Variants in QTMAN observed in about 807,000 individuals in gnomAD.
QTMAN encodes tRNA-queuosine alpha-mannosyltransferase.
chr2:144,172,114 G>C, the QTMAN span, among the ~76,000 whole-genome samples: 2 of 152,128 alleles, frequency 1.3e-5, no homozygotes, highest in African/African-American at 4.8e-5. Context: ...AATTGGAGTT[G>C]AGATCCGCCA....
chr2:144,150,472 G>A, the QTMAN span, among the ~76,000 whole-genome samples: 1 of 151,966 alleles, frequency 6.6e-6, no homozygotes, highest in Non-Finnish European at 1.5e-5. Context: ...TAGTACTCCT[G>A]AGGAACTAAC....
At chr2:144,028,649 G>A in the QTMAN span, among the ~76,000 whole-genome samples, 1 of 152,068 alleles carries the variant, frequency 6.6e-6, no homozygotes, top group Non-Finnish European at 1.5e-5. Context: ...GATTACTAAA[G>A]AATAGATCAA....
At chr2:144,329,882 C>T in the QTMAN span, among the ~76,000 whole-genome samples, 1 of 152,082 alleles carries the variant, frequency 6.6e-6, no homozygotes, top group Non-Finnish European at 1.5e-5. Context: ...TAAAGAGTAC[C>T]CACTACACAT....
At chr2:144,232,563 CA>C in the QTMAN span, among the ~76,000 whole-genome samples, 1 of 152,036 alleles carries the variant, frequency 6.6e-6, no homozygotes, top group East Asian at 1.9e-4. Context: ...TTCTTATTGC[CA>C]AAAATCATTG....
chr2:144,095,263 A>G, the QTMAN span, among the ~76,000 whole-genome samples: 1 of 152,190 alleles, frequency 6.6e-6, no homozygotes, highest in Non-Finnish European at 1.5e-5. Flanking sequence ...AGAAATTCTT[A>G]AAACAGAATT....
At chr2:144,065,434 C>T in the QTMAN span, among the ~76,000 whole-genome samples, 1 of 152,208 alleles carries the variant, frequency 6.6e-6, no homozygotes, top group Non-Finnish European at 1.5e-5. Context: ...TGGTTGGTTT[C>T]AGCCAACTGC....
At chr2:144,180,438 T>C in the QTMAN span, among the ~76,000 whole-genome samples, 1 of 152,172 alleles carries the variant, frequency 6.6e-6, no homozygotes, top group Non-Finnish European at 1.5e-5. Context: ...AAATGCTTTC[T>C]GAACTGTTAA....
chr2:143,941,237 C>T, the QTMAN span: 1 of 152,188 alleles, frequency 6.6e-6, no homozygotes, highest in South Asian at 2.1e-4. Flanking sequence ...AAGTGATTCT[C>T]AGGAGGGCCA....
chr2:144,220,508 T>C, the QTMAN span, among the ~76,000 whole-genome samples: 3 of 152,210 alleles, frequency 2.0e-5, no homozygotes, highest in South Asian at 6.2e-4. Context: ...ATTCCAATGA[T>C]ACAAATATTT....
the QTMAN span, chr2:144,145,500 GATTTAAAACGTAACC>G: frequency 8.9e-7 from 1 of 1,120,862 alleles, no homozygotes; most frequent in Non-Finnish European, 1.3e-6. Flanking sequence ...TAGGTCTCCA[GATTTAAAACGTAACC>G]ACCTACAAAG....
At chr2:144,215,771 T>G in the QTMAN span, among the ~76,000 whole-genome samples, 1 of 152,200 alleles carries the variant, frequency 6.6e-6, no homozygotes, top group African/African-American at 2.4e-5. Context: ...CACTGGAATA[T>G]CATCTCACCA....
chr2:144,324,681 G>T, the QTMAN span, among the ~76,000 whole-genome samples: 1 of 152,084 alleles, frequency 6.6e-6, no homozygotes, highest in African/African-American at 2.4e-5. Flanking sequence ...CCTACCCAAG[G>T]TAATCAAGAT....
the QTMAN span, among the ~76,000 whole-genome samples, chr2:144,217,459 A>G: frequency 6.6e-6 from 1 of 152,014 alleles, no homozygotes; most frequent in Non-Finnish European, 1.5e-5. Flanking sequence ...AACACGGTAT[A>G]TGTTTTATAT....
At chr2:144,010,551 C>T in the QTMAN span, among the ~76,000 whole-genome samples, 2 of 152,026 alleles carry the variant, frequency 1.3e-5, no homozygotes, top group African/African-American at 4.8e-5. Context: ...TGATTTGATT[C>T]AGCGAACTGA....
chr2:143,944,955 A>G, the QTMAN span: 1 of 149,168 alleles, frequency 6.7e-6, no homozygotes, highest in Admixed American at 6.7e-5. Flanking sequence ...GAAAAGATCT[A>G]TGGGTACTAG....
chr2:144,281,185 G>C, the QTMAN span, among the ~76,000 whole-genome samples: 1 of 150,964 alleles, frequency 6.6e-6, no homozygotes, highest in Non-Finnish European at 1.5e-5. Context: ...CTGGGAGAGA[G>C]TGAAACAAGA....
chr2:144,168,407 A>G, the QTMAN span, among the ~76,000 whole-genome samples: 53 of 152,314 alleles, frequency 3.5e-4, 1 homozygote, highest in East Asian at 0.01. Flanking sequence ...TACTTCAGAT[A>G]TGTGTTAATG....
At chr2:144,284,097 A>T in the QTMAN span, among the ~76,000 whole-genome samples, 1 of 152,102 alleles carries the variant, frequency 6.6e-6, no homozygotes, top group African/African-American at 2.4e-5. Context: ...CAAATTAGGC[A>T]ACTTTGTTTA....
the QTMAN span, among the ~76,000 whole-genome samples, chr2:143,988,427 T>C: frequency 8.5e-5 from 13 of 152,190 alleles, no homozygotes; most frequent in African/African-American, 3.1e-4. Flanking sequence ...GACCAAGACA[T>C]CTTCCTTGAT....
Sources: gnomAD v4.1 joint callset for allele counts (sites outside exome capture counted in the v4.1 genomes callset) on GRCh38, gnomAD v4.1.1 for gene constraint, MANE v1.5 for transcripts, NCBI Gene and HGNC (gene_info 2026-07-23, HGNC 2026-07-21) for gene names.